ZNF699: variants seen among roughly 807,000 people sequenced by gnomAD.
The protein encoded by ZNF699 is zinc finger protein 699, also known as hangover homolog.
In ZNF699, 18 loss-of-function variants were observed where a neutral mutation model predicts 22.5. The observed-to-expected ratio is 0.80, with a 90% CI of 0.55 to 1.19. The LOEUF (loss-of-function observed/expected upper bound fraction) is 1.19, where lower values mean the gene tolerates loss of function less well. ZNF699 is among the 50% of genes most tolerant of loss of function. The pLI is 0.00. For missense variants in ZNF699, 670 were observed against 763.4 expected, an observed-to-expected ratio of 0.88 and a Z score of 1.44; for synonymous variants, 241 against 262.3, an observed-to-expected ratio of 0.92 and a Z score of 0.78.
At chr19:9,307,838 C>T (rs2066332906) in intron 1 of ZNF699, among the ~76,000 whole-genome samples, 1 of 151,556 alleles carries the variant, frequency 6.6e-6, no homozygotes, top group Non-Finnish European at 1.5e-5. Flanking sequence ...ATCGCCACTA[C>T]TTGGGAGGCT....
In ZNF699 at chr19:9,302,562, G is replaced by T. The variant is rs59007891; in HGVS notation, c.49-58C>A. On this transcript the variant is annotated intron_variant, in intron 2 of 5. Transcript: ENST00000591998. ...TACAATTCCTCCAATGTGTACAAGA[G>T]GACAGATGAGGCTCACAACATCGAG... The T allele has an allele frequency of 1.4e-4, 217 of 1,515,356 alleles. No individual in the cohort carries two copies. The African/African-American group carries it at 2.7e-3, about 19-fold the overall frequency. The allele number at this position is 1,515,356 out of a possible 1,614,324, so 93.9% of individuals were successfully genotyped here.
chr19:9,297,029 G>C lies in ZNF699; in HGVS notation c.471-96C>G. On this transcript the variant is annotated intron_variant, in intron 5 of 5. Transcript: ENST00000591998. This position sits in a 1 kb window ranked among gnomAD's most constrained non-coding sequence, Gnocchi z 4.3. ...CCCTTCTGTCAAGTTTAAGCTGAAA[G>C]TTTTCACAGAGGGCTCTACGACAGC... 2.7e-6 allele frequency: 3 copies of C among 1,127,788 alleles called. No homozygotes were observed. The highest frequency in any genetic ancestry group is 3.7e-6 in the Non-Finnish European group (3 of 818,188). The allele number at this position is 1,127,788 out of a possible 1,614,324, so 69.9% of individuals were successfully genotyped here.
At chr19:9,305,827 C>T (rs1002745579) in intron 1 of ZNF699, among the ~76,000 whole-genome samples, 2 of 151,796 alleles carry the variant, frequency 1.3e-5, no homozygotes, top group Non-Finnish European at 2.9e-5. Flanking sequence ...TCAGCCTCCC[C>T]AGTAGCTGGG....
chr19:9,306,778 AC>A lies in ZNF699; in HGVS notation c.-5-1655del, dbSNP rs570762689. Among the ~76,000 whole-genome samples the A allele has an allele frequency of 3.6e-3, 552 of 152,262 alleles. 4 individuals carry two copies. Among genetic ancestry groups the A allele is most frequent in the African/African-American group, 0.013 (520 of 41,528 alleles). ...GCCTATTTGTCTTCAAAACCCAAAC[AC>A]CCAGTGAGTACATTTTTGAACACAT... On this transcript the variant is annotated intron_variant, in intron 1 of 5. Coordinates refer to ENST00000591998, the MANE Select transcript of ZNF699 (RefSeq NM_198535.3).
Position 9,297,188 on chromosome 19 carries a change from C to T in ZNF699, c.470+108G>A, listed in dbSNP as rs901526210. Reference sequence around the variant, plus strand: ...CTCATGAAAATTCTTTCTCAAACCACAATCTTTGATCTAGGCTTATTTATA... The same window carrying T: ...CTCATGAAAATTCTTTCTCAAACCATAATCTTTGATCTAGGCTTATTTATA... On this transcript the variant is annotated intron_variant, in intron 5 of 5. Transcript: ENST00000591998. This position sits in a 1 kb window ranked among gnomAD's most constrained non-coding sequence, Gnocchi z 4.3. 3 of 1,201,372 alleles carry T rather than the reference C, an allele frequency of 2.5e-6. No individual in the cohort carries two copies. Among genetic ancestry groups the T allele is most frequent in the Non-Finnish European group, 3.4e-6 (3 of 872,156 alleles). 74.4% of individuals were successfully genotyped at this position (1,201,372 alleles called of 1,614,324 possible). A position where few individuals can be genotyped will look rare whatever the true frequency, so the allele number is the denominator to read the frequency against.
At chr19:9,302,240 T>C in intron 3 of ZNF699, 138 bp downstream of exon 3, 1 of 979,136 alleles carries the variant, frequency 1.0e-6, no homozygotes, top group Non-Finnish European at 1.5e-6. Flanking sequence ...AGACTGTAAG[T>C]TCCTTGGGGT....
Position 9,295,848 on chromosome 19 carries a change from G to A in ZNF699, c.1556C>T (p.Thr519Ile). Residue 519 changes from threonine (T) to isoleucine (I), a missense_variant, in exon 6 of 6, where the codon ACA (threonine) becomes ATA (isoleucine). Physicochemically the swap from Thr to Ile is moderately conservative, Grantham distance 89. Coordinates refer to ENST00000591998, the MANE Select transcript of ZNF699 (RefSeq NM_198535.3). ...GKAFISSSHL[T>I]VHIRTHTGEK... ...TCCAGTGTGAGTTCTGATATGTACT[G>A]TAAGGTGGGAGGAACTAATAAAGGC... is the stretch of plus-strand genomic sequence containing the variant. 4 of 1,613,682 alleles carry A rather than the reference G, an allele frequency of 2.5e-6. No homozygotes were observed. The highest frequency in any genetic ancestry group is 3.4e-6 in the Non-Finnish European group (4 of 1,179,930).
chr19:9,305,055 T>G lies in ZNF699; in HGVS notation c.48+17A>C, dbSNP rs1287831345. ...CAATGGAAATATTCTTTTGGACAATTATCACCTTTTACTTACCTGTATTCT... is the reference window on the plus strand; with the variant it reads ...CAATGGAAATATTCTTTTGGACAATGATCACCTTTTACTTACCTGTATTCT... On this transcript the variant is annotated intron_variant, in intron 2 of 5. Transcript: ENST00000591998. 3 of 1,604,392 alleles carry G rather than the reference T, an allele frequency of 1.9e-6. No homozygotes were observed. In the African/African-American group the frequency reaches 4.0e-5, roughly 21 times the overall value.
intron 2 of ZNF699, among the ~76,000 whole-genome samples, chr19:9,303,698 C>T (rs1295505985): frequency 1.3e-5 from 2 of 152,194 alleles, no homozygotes; most frequent in East Asian, 1.9e-4. Flanking sequence ...TTCTGAGTCT[C>T]TCTAGGGGCT....
intron 3 of ZNF699, among the ~76,000 whole-genome samples, chr19:9,298,679 A>T (rs192028849): frequency 6.6e-6 from 1 of 152,318 alleles, no homozygotes; most frequent in African/African-American, 2.4e-5. Context: ...ATTTTGTCTA[A>T]AGACTTTATG....
intron 3 of ZNF699, 42 bp from the exon 4 acceptor site, chr19:9,298,032 G>T: frequency 7.6e-7 from 1 of 1,318,892 alleles, no homozygotes. Context: ...AAATAATGAA[G>T]AATCACTAAC....
chr19:9,294,667 T>A lies in ZNF699; in HGVS notation c.*808A>T, dbSNP rs2066278182. 2.0e-5 allele frequency: 3 copies of A among 152,200 alleles called. No homozygotes were observed. Among genetic ancestry groups the A allele is most frequent in the Non-Finnish European group, 4.4e-5 (3 of 68,038 alleles). 9.4% of individuals were successfully genotyped at this position (152,200 alleles called of 1,614,324 possible). A position where few individuals can be genotyped will look rare whatever the true frequency, so the allele number is the denominator to read the frequency against. On this transcript the variant is annotated 3_prime_UTR_variant, in exon 6 of 6. Coordinates refer to ENST00000591998, the MANE Select transcript of ZNF699 (RefSeq NM_198535.3). ...AAAAAGTGATTCTGGGAAATGTAGTTAATGTAACACAATTTTTACACTCAA... is the reference window on the plus strand; with the variant it reads ...AAAAAGTGATTCTGGGAAATGTAGTAAATGTAACACAATTTTTACACTCAA...
intron 1 of ZNF699, among the ~76,000 whole-genome samples, chr19:9,309,016 G>GT: frequency 6.6e-6 from 1 of 151,618 alleles, no homozygotes; most frequent in Non-Finnish European, 1.5e-5. Context: ...CTATCTTTTT[G>GT]TTTTTTTGAG....
At chr19:9,302,595 G>C (rs2066311898) in intron 2 of ZNF699, 91 bp from the exon 3 acceptor site, 2 of 1,389,216 alleles carry the variant, frequency 1.4e-6, no homozygotes, top group Non-Finnish European at 2.0e-6. Context: ...GAGGAAATGA[G>C]AGTCAATTCA....
At position 9,309,703 on chromosome 19, in the gene ZNF699, C is replaced by T. The variant is rs996645384; in HGVS notation, c.-359G>A. 1 of 152,358 alleles carries T rather than the reference C, an allele frequency of 6.6e-6. No homozygotes were observed. Among genetic ancestry groups the T allele is most frequent in the Non-Finnish European group, 1.5e-5 (1 of 68,148 alleles). The allele number at this position is 152,358 out of a possible 1,614,324, so 9.4% of individuals were successfully genotyped here. On this transcript the variant is annotated 5_prime_UTR_variant, in exon 1 of 6. Transcript: ENST00000591998. ...AGACCGCCGATTCCCAAACCCAGCC[C>T]TCGGTCTCCCGCGGACCCGACCCGG...
At position 9,292,150 on chromosome 19, in the gene ZNF699, C is replaced by T. The variant is rs1421392526; in HGVS notation, c.*3325G>A. 1.3e-5 allele frequency among the ~76,000 whole-genome samples: 2 copies of T among 152,166 alleles called. No homozygotes were observed. The highest frequency in any genetic ancestry group is 4.8e-5 in the African/African-American group (2 of 41,428). On this transcript the variant is annotated 3_prime_UTR_variant, in exon 6 of 6. Coordinates refer to ENST00000591998, the MANE Select transcript of ZNF699 (RefSeq NM_198535.3). ...AAGACCAGCATAACAGCTAACATTA[C>T]CACTGCTTTTAGATCCTACCTGCCC...
chr19:9,294,358 A>G lies in ZNF699; in HGVS notation c.*1117T>C, dbSNP rs923889499. ...ATGATCATAGTTCACTGCAGCCTCA[A>G]ACTCCTGGGCTCAAGTGATCCTCCA... On this transcript the variant is annotated 3_prime_UTR_variant, in exon 6 of 6. Transcript: ENST00000591998. 6.6e-6 allele frequency: 1 copy of G among 152,186 alleles called. No individual in the cohort carries two copies. Among genetic ancestry groups the G allele is most frequent in the Non-Finnish European group, 1.5e-5 (1 of 68,070 alleles). 9.4% of individuals were successfully genotyped at this position (152,186 alleles called of 1,614,324 possible).
At position 9,296,529 on chromosome 19, in the gene ZNF699, G is replaced by A. The variant is rs757545669; in HGVS notation, c.875C>T (p.Ser292Leu). 58 of 1,614,070 alleles carry A rather than the reference G, an allele frequency of 3.6e-5. No individual in the cohort carries two copies. The highest frequency in any genetic ancestry group is 6.7e-5 in the Admixed American group (4 of 60,010). Residue 292 changes from serine (S) to leucine (L), a missense_variant, in exon 6 of 6, where the codon TCA (serine) becomes TTA (leucine). Transcript: ENST00000591998. ...AATTCTTTTGTGTTCTGTGAGCGAT[G>A]AGGAACAACTAAAACCTTTCCCACA... is the stretch of plus-strand genomic sequence containing the variant. ...KECGKGFSCS[S>L]SLTEHKRIHS...
Position 9,306,340 on chromosome 19 carries a change from C to T in ZNF699, c.-5-1216G>A, listed in dbSNP as rs139848129. Among the ~76,000 whole-genome samples, 834 of 151,114 alleles carry T rather than the reference C, an allele frequency of 5.5e-3. 3 individuals are homozygous for T. Among genetic ancestry groups the T allele is most frequent in the Middle Eastern group, 0.01 (3 of 294 alleles). ...CCGGGAGGCGGAGGTTGCAGCAAGCCGAGATTGCGCCACTGTACTCCAGCC... is the reference window on the plus strand; with the variant it reads ...CCGGGAGGCGGAGGTTGCAGCAAGCTGAGATTGCGCCACTGTACTCCAGCC... On this transcript the variant is annotated intron_variant, in intron 1 of 5. Transcript: ENST00000591998.
Sources: gnomAD v4.1 joint callset for allele counts (sites outside exome capture counted in the v4.1 genomes callset) on GRCh38, gnomAD v4.1.1 for gene constraint, Gnocchi (gnomAD v3.1) non-coding constraint, MANE v1.5 for transcripts, NCBI Gene and HGNC (gene_info 2026-07-23, HGNC 2026-07-21) for gene names.